The following SKAP1 variants were observed in gnomAD, a reference collection of about 807,000 sequenced individuals.
The protein encoded by SKAP1 is src kinase associated phosphoprotein 1, also known as src kinase-associated phosphoprotein 1.
SKAP1 carries 44 observed loss-of-function variants against 58.5 expected under a neutral mutation model. That is an observed-to-expected ratio of 0.75 (90% CI 0.59 to 0.97). SKAP1 has a LOEUF of 0.97. Among genes scored for constraint, SKAP1 ranks in the 50% least tolerant of loss-of-function variants. The pLI is 0.00. For synonymous variants in SKAP1, 127 were observed against 149.7 expected (o/e 0.85, Z 1.11); for missense variants, 390 against 435.2 (o/e 0.90, Z 0.92).
intron 4 of SKAP1, among the ~76,000 whole-genome samples, chr17:48,268,076 G>T (rs562415436): frequency 2.0e-5 from 3 of 151,882 alleles, no homozygotes; most frequent in African/African-American, 7.3e-5. Flanking sequence ...TCAAATCCTC[G>T]AAAGACAGAC....
intron 1 of SKAP1, among the ~76,000 whole-genome samples, chr17:48,418,873 C>T (rs1229074055): frequency 6.6e-6 from 1 of 152,160 alleles, no homozygotes; most frequent in Non-Finnish European, 1.5e-5. Context: ...GAAGTCAGAA[C>T]AGTTATTAGC....
At chr17:48,244,476 C>G (rs1049285693) in intron 4 of SKAP1, among the ~76,000 whole-genome samples, 2 of 152,162 alleles carry the variant, frequency 1.3e-5, no homozygotes, top group African/African-American at 4.8e-5. Context: ...CTAACAGCCA[C>G]CAAGTCAGCT....
chr17:48,395,557 A>C (rs192973534), intron 2 of SKAP1, among the ~76,000 whole-genome samples: 1 of 152,318 alleles, frequency 6.6e-6, no homozygotes, highest in East Asian at 1.9e-4. Flanking sequence ...GCCTAAACTT[A>C]TCTATTAATA....
At chr17:48,404,142 T>C (rs886309785) in intron 1 of SKAP1, among the ~76,000 whole-genome samples, 2 of 149,178 alleles carry the variant, frequency 1.3e-5, no homozygotes, top group Non-Finnish European at 3.0e-5. Context: ...TTAAAATTTA[T>C]AAAAATATTA....
At chr17:48,239,842 G>GAC (rs901245651) in intron 4 of SKAP1, among the ~76,000 whole-genome samples, 5 of 98,416 alleles carry the variant, frequency 5.1e-5, no homozygotes, top group Non-Finnish European at 4.6e-5. Context: ...GAGAGAGAGA[G>GAC]AGAGAGACAG....
At chr17:48,285,421 C>A (rs1875774167) in intron 4 of SKAP1, among the ~76,000 whole-genome samples, 1 of 152,146 alleles carries the variant, frequency 6.6e-6, no homozygotes, top group Non-Finnish European at 1.5e-5. Flanking sequence ...TGGAGACCAG[C>A]CTGACCAACA....
chr17:48,141,001 A>G (rs992389360), intron 11 of SKAP1, among the ~76,000 whole-genome samples: 22 of 151,832 alleles, frequency 1.4e-4, no homozygotes, highest in South Asian at 6.3e-4. Context: ...TGGCCAGGCT[A>G]GTCTCGAACT....
chr17:48,351,789 G>A (rs1310735669), intron 3 of SKAP1, among the ~76,000 whole-genome samples: 1 of 151,990 alleles, frequency 6.6e-6, no homozygotes, highest in African/African-American at 2.4e-5. Context: ...ATCACAAATG[G>A]AGCCAAATTG....
At position 48,259,512 on chromosome 17, in the gene SKAP1, C is replaced by G. The variant is rs1382866693; in HGVS notation, c.281-70012G>C. 2.6e-5 allele frequency among the ~76,000 whole-genome samples: 4 copies of G among 152,028 alleles called. No individual in the cohort carries two copies. The East Asian group carries it at 7.7e-4, about 29-fold the overall frequency. On this transcript the variant is annotated intron_variant, in intron 4 of 12. Transcript: ENST00000336915. ...AGGTAACAGCTTTCCATAGCGTAATCATGAATGCATTATATAATGTGCTTT... is the reference window on the plus strand; with the variant it reads ...AGGTAACAGCTTTCCATAGCGTAATGATGAATGCATTATATAATGTGCTTT...
At chr17:48,215,740 A>G (rs2064932319) in intron 4 of SKAP1, among the ~76,000 whole-genome samples, 1 of 152,148 alleles carries the variant, frequency 6.6e-6, no homozygotes, top group Non-Finnish European at 1.5e-5. Context: ...AGGGGCCCAC[A>G]GAGGGAAGCT....
chr17:48,245,421 GAT>G (rs777602762), intron 4 of SKAP1, among the ~76,000 whole-genome samples: 96 of 152,254 alleles, frequency 6.3e-4, no homozygotes, highest in Middle Eastern at 6.8e-3. Flanking sequence ...CTCCAACAGG[GAT>G]TGTTTAAAAG....
chr17:48,235,192 A>C (rs997232349), intron 4 of SKAP1, among the ~76,000 whole-genome samples: 1 of 152,184 alleles, frequency 6.6e-6, no homozygotes, highest in Non-Finnish European at 1.5e-5. Flanking sequence ...AAAGTGGGGA[A>C]TATCTGGTAT....
chr17:48,265,329 C>A (rs1294559271), intron 4 of SKAP1, among the ~76,000 whole-genome samples: 1 of 152,034 alleles, frequency 6.6e-6, no homozygotes, highest in Non-Finnish European at 1.5e-5. Context: ...CATGGTGAAA[C>A]CCCATTTCTA....
the SKAP1 span, among the ~76,000 whole-genome samples, chr17:48,438,100 T>C: frequency 1.3e-5 from 2 of 152,170 alleles, no homozygotes; most frequent in African/African-American, 2.4e-5. Context: ...TGATAGAGTA[T>C]AGAATGTAGT....
Position 48,367,523 on chromosome 17 carries a change from T to C in SKAP1, c.153-3709A>G, listed in dbSNP as rs113990801. ...CTTTCACCATGTATATGTGTGTGTATATGTATGTGTGTGTATATATATATA... is the reference window on the plus strand; with the variant it reads ...CTTTCACCATGTATATGTGTGTGTACATGTATGTGTGTGTATATATATATA... On this transcript the variant is annotated intron_variant, in intron 2 of 12. Transcript: ENST00000336915. Among the ~76,000 whole-genome samples, 597 of 106,206 alleles carry C rather than the reference T, an allele frequency of 5.6e-3. 8 individuals carry two copies. The highest frequency in any genetic ancestry group is 0.017 in the African/African-American group (573 of 33,058). 69.7% of individuals were successfully genotyped at this position (106,206 alleles called of 152,430 possible).
intron 4 of SKAP1, among the ~76,000 whole-genome samples, chr17:48,255,875 T>C (rs769321744): frequency 2.0e-5 from 3 of 152,128 alleles, no homozygotes; most frequent in Non-Finnish European, 2.9e-5. Context: ...TTTTACCCAA[T>C]ATTTCTCAAT....
chr17:48,210,895 A>G (rs1417338670), intron 4 of SKAP1, among the ~76,000 whole-genome samples: 1 of 152,104 alleles, frequency 6.6e-6, no homozygotes, highest in Non-Finnish European at 1.5e-5. Context: ...CTACCCTCCA[A>G]AGGAAGTCCT....
upstream of SKAP1, among the ~76,000 whole-genome samples, chr17:48,431,590 C>A (rs558709008): frequency 5.9e-5 from 9 of 152,262 alleles, no homozygotes; most frequent in East Asian, 1.7e-3. Context: ...GAATGTTGAA[C>A]TTAATTGAGA....
intron 3 of SKAP1, among the ~76,000 whole-genome samples, chr17:48,363,351 C>T (rs2066960635): frequency 6.6e-6 from 1 of 152,160 alleles, no homozygotes; most frequent in Non-Finnish European, 1.5e-5. Context: ...TTCTCTGCTG[C>T]CAGACAGGCA....
Sources: allele counts gnomAD v4.1 joint callset (sites outside exome capture counted in the v4.1 genomes callset), GRCh38; gene constraint gnomAD v4.1.1; transcripts MANE v1.5; gene names NCBI Gene and HGNC (gene_info 2026-07-23, HGNC 2026-07-21).